Variants in TP53BP1 observed in about 807,000 individuals in gnomAD.
TP53BP1 encodes tumor protein p53 binding protein 1.
Under a neutral mutation model 200.8 loss-of-function variants are expected in TP53BP1, and 61 were observed. That is an observed-to-expected ratio of 0.30 (90% confidence interval 0.25 to 0.38). The LOEUF is 0.38. Ranked by LOEUF, TP53BP1 falls within the 10% of genes least tolerant of loss-of-function variation. The pLI, the probability that TP53BP1 is intolerant of heterozygous loss-of-function variation, is 1.00. For missense variants in TP53BP1, 2,144 were observed against 2,371.9 expected (o/e 0.90, Z 2.00); for synonymous variants, 822 against 844.3 (o/e 0.97, Z 0.46).
At chr15:43,508,699 A>C (rs1268709471) in intron 1 of TP53BP1, among the ~76,000 whole-genome samples, 1 of 152,254 alleles carries the variant, frequency 6.6e-6, no homozygotes, top group Non-Finnish European at 1.5e-5. Flanking sequence ...AATGGCTGGA[A>C]TACTGTTAAC....
At chr15:43,446,887 C>T (rs143178818) in intron 13 of TP53BP1, 23 of 1,008,756 alleles carry the variant, frequency 2.3e-5, no homozygotes, top group African/African-American at 8.1e-5. Context: ...AGACTCCAGA[C>T]GGCATGATTG....
intron 16 of TP53BP1, among the ~76,000 whole-genome samples, chr15:43,434,183 A>G (rs1337512335): frequency 6.6e-6 from 1 of 152,204 alleles, no homozygotes; most frequent in Middle Eastern, 3.2e-3. Flanking sequence ...GACCACCAGG[A>G]GACACCTACC....
At chr15:43,423,716 T>C (rs2045460794) in intron 18 of TP53BP1, among the ~76,000 whole-genome samples, 1 of 152,090 alleles carries the variant, frequency 6.6e-6, no homozygotes, top group African/African-American at 2.4e-5. Context: ...TACATATACA[T>C]TTAGATAATA....
chr15:43,453,946 G>A (rs375596464), intron 12 of TP53BP1, among the ~76,000 whole-genome samples: 71 of 151,692 alleles, frequency 4.7e-4, no homozygotes, highest in East Asian at 4.1e-3. Context: ...AGCGGCTCAC[G>A]CCTGTAATCC....
At chr15:43,494,148 C>T (rs1393504123), upstream of TP53BP1, among the ~76,000 whole-genome samples, 1 of 152,074 alleles carries the variant, frequency 6.6e-6, no homozygotes, top group Admixed American at 6.6e-5. Flanking sequence ...GAATTCTAGC[C>T]AGAGCAGCTG....
intron 11 of TP53BP1, 40 bp from the exon 12 acceptor site, chr15:43,457,258 T>G: frequency 3.3e-6 from 5 of 1,496,734 alleles, no homozygotes; most frequent in Non-Finnish European, 4.5e-6. Context: ...AATTTGTACA[T>G]GATCATATAT....
At chr15:43,500,650 TCCC>T (rs1201439085) in intron 1 of TP53BP1, among the ~76,000 whole-genome samples, 15 of 152,060 alleles carry the variant, frequency 9.9e-5, no homozygotes, top group Admixed American at 2.0e-4. Flanking sequence ...TGAAACCCCA[TCCC>T]TATTAAAAAA....
chr15:43,475,047 A>C (rs1455748666), intron 9 of TP53BP1, among the ~76,000 whole-genome samples: 1 of 152,262 alleles, frequency 6.6e-6, no homozygotes, highest in Non-Finnish European at 1.5e-5. Context: ...ATTTAAAAGC[A>C]AAATGAGCAG....
intron 4 of TP53BP1, among the ~76,000 whole-genome samples, chr15:43,485,338 G>A (rs1057480271): frequency 6.6e-6 from 1 of 152,076 alleles, no homozygotes; most frequent in Non-Finnish European, 1.5e-5. Flanking sequence ...AGCACTTTGG[G>A]AGGCTGAGGC....
At chr15:43,491,601 G>A (rs754550559) in intron 4 of TP53BP1, 68 bp downstream of exon 4, 141 of 1,159,762 alleles carry the variant, frequency 1.2e-4, no homozygotes, top group Non-Finnish European at 1.7e-4. Context: ...TTGGGATGAG[G>A]CAACAGGTAC....
rs1595526554 is a variant in TP53BP1, at chr15:43,416,631, T to A, written c.4682-215A>T. On this transcript the variant is annotated intron_variant, in intron 21 of 27. Coordinates refer to ENST00000382044, the MANE Select transcript of TP53BP1 (RefSeq NM_001141980.3). ...CTGGGATTAGGACAAGGAAAGTTTC[T>A]TGACAGAAGGTAGCCTTTAGTTATA... 4 of 399,574 alleles carry A rather than the reference T, an allele frequency of 1.0e-5. No homozygotes were observed. The East Asian group carries it at 1.5e-4, about 15-fold the overall frequency. The allele number at this position is 399,574 out of a possible 1,614,324, so 24.8% of individuals were successfully genotyped here.
rs1189086077 is a variant in TP53BP1, at chr15:43,421,072, A to C, written c.4203T>G (p.Arg1401=). The C allele has an allele frequency of 6.2e-7, 1 of 1,614,094 alleles. No individual in the cohort carries two copies. The highest frequency in any genetic ancestry group is 8.5e-7 in the Non-Finnish European group (1 of 1,180,036). ...RQGGKAPVTP[R]GRGRRGRPPS... ...GTGGGCGGCCCCTTCGCCCACGCCCACGAGGCGTGACTGGAGCCTTCCCTC... is the reference window on the plus strand; with the variant it reads ...GTGGGCGGCCCCTTCGCCCACGCCCCCGAGGCGTGACTGGAGCCTTCCCTC... Residue 1401 remains arginine, a synonymous_variant, in exon 20 of 28, where the codon CGT becomes CGG. Coordinates refer to ENST00000382044, the MANE Select transcript of TP53BP1 (RefSeq NM_001141980.3).
rs1448792638 is a variant in TP53BP1, at chr15:43,456,455, G to A, written c.2153C>T (p.Ser718Leu). The change falls in exon 12 of 28, where the codon TCA becomes TTA. Residue 718 changes from serine to leucine, a missense_variant. By Grantham distance (145) the Ser-to-Leu change is moderately radical (BLOSUM62 -2). Transcript: ENST00000382044. ...ACTGGTTTCAACTTCCATAGCTTCT[G>A]AGCATTCTTTTTTTGGCATTTCCTT... is the stretch of plus-strand genomic sequence containing the variant. ...LQKEMPKKEC[S>L]EAMEVETSVI... 11 of 1,568,788 alleles carry A rather than the reference G, an allele frequency of 7.0e-6. No homozygotes were observed. The highest frequency in any genetic ancestry group is 9.5e-6 in the Non-Finnish European group (11 of 1,162,718).
intron 18 of TP53BP1, among the ~76,000 whole-genome samples, 192 bp downstream of exon 18, chr15:43,427,824 G>T (rs981037227): frequency 6.6e-6 from 1 of 152,072 alleles, no homozygotes; most frequent in Admixed American, 6.5e-5. Flanking sequence ...AGGCTTGGTG[G>T]TTCATGCCTG....
intron 14 of TP53BP1, among the ~76,000 whole-genome samples, chr15:43,441,880 G>C (rs1158617031): frequency 2.6e-5 from 4 of 152,010 alleles, no homozygotes; most frequent in Non-Finnish European, 4.4e-5. Context: ...CTCCCGAGTA[G>C]CTGGGACTAC....
At chr15:43,484,293 C>T (rs960652844) in intron 4 of TP53BP1, among the ~76,000 whole-genome samples, 2 of 152,150 alleles carry the variant, frequency 1.3e-5, no homozygotes, top group African/African-American at 4.8e-5. Flanking sequence ...TCTTTGAATC[C>T]CCTTTTCAAA....
chr15:43,499,383 A>T (rs2079198230), intron 1 of TP53BP1, among the ~76,000 whole-genome samples: 1 of 152,202 alleles, frequency 6.6e-6, no homozygotes, highest in South Asian at 2.1e-4. Context: ...CCTATTTAAC[A>T]AACCTGCACA....
chr15:43,413,023 C>T (rs2045162877), intron 24 of TP53BP1, 96 bp downstream of exon 24: 1 of 1,187,042 alleles, frequency 8.4e-7, no homozygotes, highest in Non-Finnish European at 1.2e-6. Context: ...TGCCTTGCCT[C>T]CTCTACATAC....
upstream of TP53BP1, chr15:43,493,248 G>A (rs1410456303): frequency 1.0e-5 from 15 of 1,445,302 alleles, no homozygotes; most frequent in East Asian, 2.5e-5. Context: ...GGTAGCTGCG[G>A]CAGAGTGCCC....
Sources: gnomAD v4.1 joint callset for allele counts (sites outside exome capture counted in the v4.1 genomes callset) on GRCh38, gnomAD v4.1.1 for gene constraint, MANE v1.5 for transcripts, NCBI Gene and HGNC (gene_info 2026-07-23, HGNC 2026-07-21) for gene names.